ME1: variants seen among roughly 807,000 people sequenced by gnomAD.
ME1 encodes the protein NADP-dependent malic enzyme.
A neutral mutation model predicts 66.4 loss-of-function variants in ME1; 74 were observed. The ratio of observed to expected loss-of-function variants is 1.11; its 90% CI spans 0.92 to 1.35. The LOEUF (loss-of-function observed/expected upper bound fraction) is 1.35. ME1 is among the 40% of genes most tolerant of loss of function. The pLI is 0.00. For missense variants in ME1, 750 were observed against 694.1 expected, an observed-to-expected ratio of 1.08 and a Z score of -0.90; for synonymous variants, 251 against 235.6, an observed-to-expected ratio of 1.07 and a Z score of -0.60.
intron 7 of ME1, among the ~76,000 whole-genome samples, chr6:83,241,868 A>T (rs1790515382): frequency 6.6e-6 from 1 of 151,902 alleles, no homozygotes; most frequent in Non-Finnish European, 1.5e-5. Context: ...ATTTATTTTT[A>T]TTTTTTTATT....
chr6:83,346,246 A>G lies in ME1; in HGVS notation c.527T>C (p.Leu176Pro). Residue 176 changes from leucine (L) to proline (P), a missense_variant, in exon 5 of 14, where the codon CTA becomes CCA. Physicochemically the swap from Leu to Pro is moderately conservative, Grantham distance 98. Coordinates refer to ENST00000369705, the MANE Select transcript of ME1 (RefSeq NM_002395.6). ...GMGIPVGKLA[L>P]YTACGGMNPQ... is the part of the protein sequence containing the mutation. ...ATTCATCCCTCCGCAAGCTGTATAT[A>G]GAGCCAATTTACCCACAGGGATGCC... 6.2e-7 allele frequency: 1 copy of G among 1,613,778 alleles called. No individual in the cohort carries two copies. Among genetic ancestry groups the G allele is most frequent in the Non-Finnish European group, 8.5e-7 (1 of 1,179,770 alleles).
intron 4 of ME1, among the ~76,000 whole-genome samples, chr6:83,348,629 C>T (rs931637490): frequency 6.6e-6 from 1 of 151,348 alleles, no homozygotes. Flanking sequence ...AGTGGCATAA[C>T]TTTTCACTTA....
Position 83,398,512 on chromosome 6 carries a change from G to A in ME1, c.217C>T (p.Leu73Phe), listed in dbSNP as rs764145352. The A allele has an allele frequency of 6.6e-6, 10 of 1,522,302 alleles. No homozygotes were observed. Among genetic ancestry groups the A allele is most frequent in the Non-Finnish European group, 8.9e-6 (10 of 1,123,150 alleles). 94.3% of individuals were successfully genotyped at this position (1,522,302 alleles called of 1,614,324 possible). ...EHLNSDFDRY[L>F]LLMDLQDRNE... is the part of the protein sequence containing the mutation. Reference sequence around the variant, plus strand: ...CTATCTTGGAGATCCATTAAGAGAAGATACCTGTAAAAATTGGACATAATT... The same window carrying A: ...CTATCTTGGAGATCCATTAAGAGAAAATACCTGTAAAAATTGGACATAATT... The change falls in exon 3 of 14, where the codon CTT becomes TTT. Residue 73 changes from leucine (L) to phenylalanine (F), a missense_variant. Leu to Phe is a conservative substitution (Grantham distance 22). Transcript: ENST00000369705.
intron 3 of ME1, among the ~76,000 whole-genome samples, chr6:83,376,128 T>C (rs1022239297): frequency 5.9e-5 from 9 of 152,198 alleles, no homozygotes; most frequent in Non-Finnish European, 1.0e-4. Flanking sequence ...ATCTGCATCA[T>C]GTTAATCTTG....
At chr6:83,234,553 C>T (rs1790362579) in intron 9 of ME1, among the ~76,000 whole-genome samples, 1 of 152,156 alleles carries the variant, frequency 6.6e-6, no homozygotes, top group African/African-American at 2.4e-5. Flanking sequence ...CACCCTATTC[C>T]TCCTTCCATA....
intron 6 of ME1, among the ~76,000 whole-genome samples, chr6:83,309,422 T>C (rs1767889529): frequency 6.6e-6 from 1 of 152,188 alleles, no homozygotes; most frequent in South Asian, 2.1e-4. Flanking sequence ...CTAAGTTTTG[T>C]AGGTGGCCTG....
intron 1 of ME1, among the ~76,000 whole-genome samples, chr6:83,423,333 C>G (rs969819575): frequency 4.0e-5 from 6 of 151,648 alleles, no homozygotes; most frequent in African/African-American, 1.5e-4. Flanking sequence ...TCCAGCAAAC[C>G]TGCTTTAAAA....
At chr6:83,342,789 C>T (rs1255276377) in intron 5 of ME1, among the ~76,000 whole-genome samples, 5 of 152,008 alleles carry the variant, frequency 3.3e-5, no homozygotes, top group East Asian at 1.9e-4. Flanking sequence ...TGGGTTCAAG[C>T]GATTCTCCTG....
chr6:83,222,301 G>A lies in ME1; in HGVS notation c.1449+1459C>T, dbSNP rs553625599. On this transcript the variant is annotated intron_variant, in intron 12 of 13. Transcript: ENST00000369705. ...TGCTTTTTAATGCAGTGAAGAAAACGACAGGAGAACATTATTGCTTCCAAG... is the reference window on the plus strand; with the variant it reads ...TGCTTTTTAATGCAGTGAAGAAAACAACAGGAGAACATTATTGCTTCCAAG... 1.4e-3 allele frequency among the ~76,000 whole-genome samples: 218 copies of A among 152,218 alleles called. 1 individual carries two copies. Among genetic ancestry groups the A allele is most frequent in the African/African-American group, 4.8e-3 (201 of 41,548 alleles).
At chr6:83,398,609 G>A (rs1769786997) in intron 2 of ME1, 93 bp from the exon 3 acceptor site, 4 of 626,846 alleles carry the variant, frequency 6.4e-6, no homozygotes, top group Admixed American at 3.1e-5. Context: ...CAAGTATAAA[G>A]TACATTTAGG....
chr6:83,362,194 G>C (rs12697921), intron 3 of ME1, among the ~76,000 whole-genome samples: 48,724 of 152,128 alleles, frequency 0.32, 8,183 homozygotes, highest in Middle Eastern at 0.5. Context: ...ATGGTCAGAT[G>C]TGCGATTATA....
intron 6 of ME1, among the ~76,000 whole-genome samples, chr6:83,313,266 G>A (rs959030768): frequency 6.6e-6 from 1 of 151,730 alleles, no homozygotes; most frequent in Non-Finnish European, 1.5e-5. Context: ...TATTTTTTTA[G>A]TCTTTGGCAT....
chr6:83,341,149 C>T (rs1583390311), intron 5 of ME1, among the ~76,000 whole-genome samples: 1 of 152,084 alleles, frequency 6.6e-6, no homozygotes, highest in Non-Finnish European at 1.5e-5. Context: ...ATCAATCAAT[C>T]ATGACTAGGT....
intron 6 of ME1, among the ~76,000 whole-genome samples, chr6:83,272,649 C>G (rs889089814): frequency 5.9e-5 from 9 of 152,056 alleles, no homozygotes; most frequent in African/African-American, 1.7e-4. Flanking sequence ...CTACTTACCC[C>G]CTAAGTCCAA....
chr6:83,288,108 T>C (rs542885462), intron 6 of ME1, among the ~76,000 whole-genome samples: 1 of 152,340 alleles, frequency 6.6e-6, no homozygotes, highest in South Asian at 2.1e-4. Context: ...GTAGGTTGCC[T>C]GTTCACTCTG....
intron 3 of ME1, among the ~76,000 whole-genome samples, chr6:83,386,505 C>T (rs567162680): frequency 2.0e-5 from 3 of 151,892 alleles, no homozygotes; most frequent in Non-Finnish European, 4.4e-5. Flanking sequence ...GCCTCTCACC[C>T]CTTCCCAGAA....
chr6:83,262,027 A>G (rs1056369307), intron 6 of ME1, among the ~76,000 whole-genome samples: 1 of 151,824 alleles, frequency 6.6e-6, no homozygotes, highest in African/African-American at 2.4e-5. Context: ...AAAAAAAAAA[A>G]AAAGAAAAAA....
At chr6:83,381,985 C>A (rs1346133120) in intron 3 of ME1, among the ~76,000 whole-genome samples, 1 of 152,088 alleles carries the variant, frequency 6.6e-6, no homozygotes, top group African/African-American at 2.4e-5. Context: ...TCCCCAGTCC[C>A]AGATCTTTTG....
At chr6:83,325,231 A>T (rs1431221739) in intron 5 of ME1, among the ~76,000 whole-genome samples, 2 of 152,200 alleles carry the variant, frequency 1.3e-5, no homozygotes, top group Non-Finnish European at 2.9e-5. Flanking sequence ...AATAAGAGCT[A>T]TTTATGCTAA....
Sources: gnomAD v4.1 joint callset for allele counts (sites outside exome capture counted in the v4.1 genomes callset) on GRCh38, gnomAD v4.1.1 for gene constraint, MANE v1.5 for transcripts, NCBI Gene and HGNC (gene_info 2026-07-23, HGNC 2026-07-21) for gene names.